Variants in ESYT3 observed in about 807,000 individuals in gnomAD.
The protein encoded by ESYT3 is extended synaptotagmin-3.
ESYT3 carries 101 observed loss-of-function variants against 111.5 expected under a neutral mutation model. The ratio of observed to expected loss-of-function variants is 0.91; its 90% CI spans 0.77 to 1.07. ESYT3 has a LOEUF of 1.07. ESYT3 is among the 50% of genes least tolerant of loss of function. The probability of loss-of-function intolerance (pLI) is 0.00; values close to 1 mark genes in which losing one functional copy is unlikely to be tolerated. For synonymous variants in ESYT3, 416 were observed against 446.8 expected, an observed-to-expected ratio of 0.93 and a Z score of 0.87; for missense variants, 1,097 against 1,109.4, an observed-to-expected ratio of 0.99 and a Z score of 0.16.
chr3:138,458,644 G>T (rs995003143), intron 4 of ESYT3, among the ~76,000 whole-genome samples: 2 of 152,228 alleles, frequency 1.3e-5, no homozygotes, highest in Admixed American at 6.5e-5. Flanking sequence ...GGCTCCCTGT[G>T]CCCATCACCT....
At chr3:138,480,825 C>T (rs903384144), downstream of ESYT3, 1 of 152,130 alleles carries the variant, frequency 6.6e-6, no homozygotes, top group Non-Finnish European at 1.5e-5. Flanking sequence ...TAGAAAGCCG[C>T]CTACTCAACG....
At chr3:138,444,960 G>A (rs1212022714) in intron 1 of ESYT3, among the ~76,000 whole-genome samples, 3 of 152,150 alleles carry the variant, frequency 2.0e-5, no homozygotes, top group African/African-American at 7.2e-5. Flanking sequence ...CTCCAGCCTG[G>A]GGAGCCCTGT....
intron 11 of ESYT3, 55 bp from the exon 12 acceptor site, chr3:138,468,050 C>A: frequency 6.6e-7 from 1 of 1,510,848 alleles, no homozygotes; most frequent in Non-Finnish European, 9.2e-7. Context: ...GCCCAGAGAG[C>A]ATCAGTAGCA....
Position 138,477,320 on chromosome 3 carries a change from T to A in ESYT3, c.*466T>A, listed in dbSNP as rs1444029770. The A allele has an allele frequency of 2.0e-5, 3 of 152,778 alleles. No homozygotes were observed. Among genetic ancestry groups the A allele is most frequent in the African/African-American group, 7.3e-5 (3 of 41,352 alleles). The allele number at this position is 152,778 out of a possible 1,614,324, so 9.5% of individuals were successfully genotyped here. On this transcript the variant is annotated 3_prime_UTR_variant, in exon 23 of 23. Transcript: ENST00000389567. ...TGACTGGCCAAAGGGAAGTCACTTT[T>A]TTATGGAAATAGAAAGTGACCCAAC...
Position 138,435,251 on chromosome 3 carries a change from C to A in ESYT3, c.327+126C>A. On this transcript the variant is annotated intron_variant, in intron 1 of 22. Coordinates refer to ENST00000389567, the MANE Select transcript of ESYT3 (RefSeq NM_031913.5). This position sits in a 1 kb window ranked among gnomAD's most constrained non-coding sequence, Gnocchi z 4.8. ...GGCGGGAGCCCGGCGACCTGCACAC[C>A]CCGTTCCCCACCGCTCCCGGGGCGC... 1.0e-6 allele frequency: 1 copy of A among 955,142 alleles called. No homozygotes were observed. The highest frequency in any genetic ancestry group is 1.5e-6 in the Non-Finnish European group (1 of 661,966). The allele number at this position is 955,142 out of a possible 1,614,324, so 59.2% of individuals were successfully genotyped here. A position where few individuals can be genotyped will look rare whatever the true frequency, so the allele number is the denominator to read the frequency against.
At chr3:138,448,501 T>C (rs536247954) in intron 1 of ESYT3, among the ~76,000 whole-genome samples, 2 of 151,824 alleles carry the variant, frequency 1.3e-5, no homozygotes, top group South Asian at 2.1e-4. Context: ...TGGTTGAAAA[T>C]TGCCTTAGTG....
chr3:138,459,245 G>C lies in ESYT3; in HGVS notation c.640G>C (p.Gly214Arg), dbSNP rs527514639. 1 of 1,558,410 alleles carries C rather than the reference G, an allele frequency of 6.4e-7. No homozygotes were observed. The highest frequency in any genetic ancestry group is 1.7e-5 in the Admixed American group (1 of 57,592). Residue 214 changes from glycine (G) to arginine (R), a missense_variant, in exon 5 of 23, where the codon GGG becomes CGG. Coordinates refer to ENST00000389567, the MANE Select transcript of ESYT3 (RefSeq NM_031913.5). ...ELQKIQAGVN[G>R]IQLQGTLRVI... ...GCAGAAGATTCAGGCTGGTGTGAACGGGATCCAGGTGGGTGGAGCCCGGTG... is the reference window on the plus strand; with the variant it reads ...GCAGAAGATTCAGGCTGGTGTGAACCGGATCCAGGTGGGTGGAGCCCGGTG...
intron 1 of ESYT3, among the ~76,000 whole-genome samples, chr3:138,439,684 C>G (rs1385933046): frequency 6.6e-6 from 1 of 152,130 alleles, no homozygotes; most frequent in Admixed American, 6.5e-5. Flanking sequence ...ATTGATTTGC[C>G]CCTGCCATGA....
intron 1 of ESYT3, among the ~76,000 whole-genome samples, chr3:138,447,466 G>C (rs181447159): frequency 7.0e-4 from 107 of 152,276 alleles, no homozygotes; most frequent in Non-Finnish European, 1.1e-3. Flanking sequence ...AGAAAAATGA[G>C]AGCAGAATAG....
At chr3:138,437,468 G>A (rs573479672) in intron 1 of ESYT3, among the ~76,000 whole-genome samples, 18 of 152,332 alleles carry the variant, frequency 1.2e-4, no homozygotes, top group Admixed American at 8.5e-4. Flanking sequence ...CATTCTGGCC[G>A]AGGGAGGTGG....
chr3:138,448,574 A>G (rs1264361689), intron 1 of ESYT3, among the ~76,000 whole-genome samples: 2 of 152,298 alleles, frequency 1.3e-5, no homozygotes, highest in East Asian at 1.9e-4. Flanking sequence ...ATCCAGAGAG[A>G]TTAAAGACCT....
At chr3:138,448,511 G>T (rs1049403097) in intron 1 of ESYT3, among the ~76,000 whole-genome samples, 5 of 151,968 alleles carry the variant, frequency 3.3e-5, no homozygotes, top group African/African-American at 1.2e-4. Context: ...TTGCCTTAGT[G>T]AAAGTATGGA....
At chr3:138,464,580 G>T in intron 9 of ESYT3, 65 bp downstream of exon 9, 1 of 1,542,536 alleles carries the variant, frequency 6.5e-7, no homozygotes, top group Non-Finnish European at 8.9e-7. Context: ...GCAATCCAGG[G>T]GCAACACTAG....
intron 1 of ESYT3, among the ~76,000 whole-genome samples, chr3:138,436,317 C>T (rs1022530365): frequency 1.3e-5 from 2 of 152,128 alleles, no homozygotes; most frequent in Non-Finnish European, 1.5e-5. Context: ...GTCTTCCTAC[C>T]GTCTTCACAC....
At position 138,474,281 on chromosome 3, in the gene ESYT3, A is replaced by G; in HGVS notation, c.2397A>G (p.Pro799=). The G allele has an allele frequency of 6.2e-7, 1 of 1,613,120 alleles. No individual in the cohort carries two copies. The highest frequency in any genetic ancestry group is 1.1e-5 in the South Asian group (1 of 90,858). Residue 799 remains proline, a synonymous_variant, in exon 20 of 23, where the codon CCA becomes CCG. Coordinates refer to ENST00000389567, the MANE Select transcript of ESYT3 (RefSeq NM_031913.5). ...ADPYVRVYLL[P]ERKWACRKKT... ...CCTACGTCCGTGTCTACTTGTTGCC[A>G]GAAAGGAAGTGGGCATGTCGTAAGA...
chr3:138,459,939 A>C lies in ESYT3; in HGVS notation c.649-6A>C. On this transcript the variant is annotated splice_polypyrimidine_tract_variant and splice_region_variant and intron_variant, in intron 5 of 22. Transcript: ENST00000389567. ...GGCCCCTCACGGGCCCTCTGTGCCTATCCAGTTGCAGGGCACCCTGCGGGT... is the reference window on the plus strand; with the variant it reads ...GGCCCCTCACGGGCCCTCTGTGCCTCTCCAGTTGCAGGGCACCCTGCGGGT... 1 of 1,613,702 alleles carries C rather than the reference A, an allele frequency of 6.2e-7. No homozygotes were observed. The highest frequency in any genetic ancestry group is 1.7e-5 in the Admixed American group (1 of 60,006).
At chr3:138,474,500 C>T (rs1184378125) in intron 20 of ESYT3, 148 bp downstream of exon 20, 8 of 844,912 alleles carry the variant, frequency 9.5e-6, no homozygotes, top group Middle Eastern at 3.9e-4. Flanking sequence ...AGCTTCTGTA[C>T]GTTAGTGGGG....
chr3:138,470,877 G>A lies in ESYT3; in HGVS notation c.1591G>A (p.Val531Met), dbSNP rs199856688. 2.5e-6 allele frequency: 4 copies of A among 1,614,012 alleles called. No homozygotes were observed. The highest frequency in any genetic ancestry group is 2.2e-5 in the East Asian group (1 of 44,888). ...NVATERLHLK[V>M]LDDDQECALG... is the part of the protein sequence containing the mutation. The stretch of plus-strand genomic sequence containing the variant: ...GTTTTGTGACTGGACCACTGCCCAG[G>A]TGCTTGATGATGACCAGGAGTGTGC... Residue 531 changes from valine (V) to methionine (M), a missense_variant and splice_region_variant, in exon 17 of 23, where the codon GTG becomes ATG. Transcript: ENST00000389567.
Position 138,468,848 on chromosome 3 carries a change from A to G in ESYT3, c.1401A>G (p.Glu467=), listed in dbSNP as rs926618771. The part of the protein sequence containing the change: ...PRNPFDYLNG[E]YRAKKLSRFA... ...ACCCTTTTGACTACCTGAATGGTGA[A>G]TATCGAGCCAAAAAACTCTCCAGGT... The change falls in exon 14 of 23, where the codon GAA becomes GAG. Residue 467 remains glutamate (E), a synonymous_variant. Coordinates refer to ENST00000389567, the MANE Select transcript of ESYT3 (RefSeq NM_031913.5). 4 of 1,614,074 alleles carry G rather than the reference A, an allele frequency of 2.5e-6. No individual in the cohort carries two copies. The Admixed American group carries it at 5.0e-5, about 20-fold the overall frequency.
Sources: gnomAD v4.1 joint callset for allele counts (sites outside exome capture counted in the v4.1 genomes callset) on GRCh38, gnomAD v4.1.1 for gene constraint, Gnocchi (gnomAD v3.1) non-coding constraint, MANE v1.5 for transcripts, NCBI Gene and HGNC (gene_info 2026-07-23, HGNC 2026-07-21) for gene names.